The following PHACTR1 variants were observed in gnomAD, a reference collection of about 807,000 sequenced individuals.
PHACTR1 encodes the protein RPEL repeat containing 1.
PHACTR1 carries 16 observed loss-of-function variants against 69.2 expected under a neutral mutation model. That is an observed-to-expected ratio of 0.23 (90% CI 0.16 to 0.35). The LOEUF is 0.35. Among genes scored for constraint, PHACTR1 ranks in the 10% least tolerant of loss-of-function variants. The pLI, the probability that PHACTR1 is intolerant of heterozygous loss-of-function variation, is 1.00. For missense variants in PHACTR1, 510 were observed against 734.7 expected, an observed-to-expected ratio of 0.69 and a Z score of 3.54; for synonymous variants, 312 against 284.5, an observed-to-expected ratio of 1.10 and a Z score of -0.97.
intron 4 of PHACTR1, among the ~76,000 whole-genome samples, chr6:12,949,781 A>T (rs912537451): frequency 6.6e-6 from 1 of 152,214 alleles, no homozygotes; most frequent in Non-Finnish European, 1.5e-5. Flanking sequence ...AAAAAAAATC[A>T]CGAATCAATC....
At chr6:13,160,377 A>G (rs1481363530) in intron 6 of PHACTR1, 93 bp downstream of exon 6, 16 of 1,095,696 alleles carry the variant, frequency 1.5e-5, no homozygotes, top group Non-Finnish European at 2.1e-5. Context: ...TTTCTGCATC[A>G]CCAGATATCA....
At chr6:12,866,532 T>A (rs868411865) in intron 4 of PHACTR1, among the ~76,000 whole-genome samples, 3 of 152,048 alleles carry the variant, frequency 2.0e-5, no homozygotes, top group East Asian at 3.9e-4. Context: ...TTTTTTTTTT[T>A]ATGTCAGAAA....
chr6:12,921,404 G>A (rs1329791605), intron 4 of PHACTR1, among the ~76,000 whole-genome samples: 2 of 151,024 alleles, frequency 1.3e-5, no homozygotes, highest in African/African-American at 2.4e-5. Context: ...TTGTCTTCAA[G>A]ACTAAAATGC....
At chr6:12,977,127 A>AT in intron 4 of PHACTR1, among the ~76,000 whole-genome samples, 1 of 151,750 alleles carries the variant, frequency 6.6e-6, no homozygotes, top group African/African-American at 2.4e-5. Flanking sequence ...CTAATTTTGT[A>AT]TTTTAGTAGA....
intron 4 of PHACTR1, among the ~76,000 whole-genome samples, chr6:12,858,049 G>A (rs140402670): frequency 2.0e-5 from 3 of 152,088 alleles, no homozygotes; most frequent in South Asian, 2.1e-4. Flanking sequence ...GTAAGTTTAC[G>A]GTAGAGCAGA....
chr6:13,174,238 T>C (rs1761022114), intron 6 of PHACTR1, among the ~76,000 whole-genome samples: 1 of 152,250 alleles, frequency 6.6e-6, no homozygotes, highest in Non-Finnish European at 1.5e-5. Flanking sequence ...CAGCAGCTCT[T>C]GTCTCAGAGA....
At chr6:13,223,270 G>T (rs1038202295) in intron 8 of PHACTR1, among the ~76,000 whole-genome samples, 7 of 152,166 alleles carry the variant, frequency 4.6e-5, no homozygotes, top group African/African-American at 1.7e-4. Context: ...CACTGGTTCA[G>T]ATCAGGGCAC....
At chr6:12,870,494 G>C (rs1384758384) in intron 4 of PHACTR1, among the ~76,000 whole-genome samples, 1 of 152,150 alleles carries the variant, frequency 6.6e-6, no homozygotes, top group Non-Finnish European at 1.5e-5. Context: ...CCTGCGAAAT[G>C]TTTAAAATTA....
intron 5 of PHACTR1, among the ~76,000 whole-genome samples, chr6:13,099,344 G>C (rs941564420): frequency 6.6e-6 from 1 of 152,236 alleles, no homozygotes; most frequent in East Asian, 1.9e-4. Flanking sequence ...CTGTCTGTCT[G>C]TTGAGTCTTA....
intron 4 of PHACTR1, among the ~76,000 whole-genome samples, chr6:12,868,800 G>A (rs1297753977): frequency 6.6e-6 from 1 of 152,072 alleles, no homozygotes; most frequent in Non-Finnish European, 1.5e-5. Context: ...CTAGACCCCA[G>A]GCAGGCATTC....
chr6:12,875,312 G>A (rs1160149595), intron 4 of PHACTR1, among the ~76,000 whole-genome samples: 3 of 152,214 alleles, frequency 2.0e-5, no homozygotes, highest in African/African-American at 7.2e-5. Flanking sequence ...TGGGCCAGGA[G>A]TCAAGGCTGA....
chr6:13,083,084 C>T (rs1023031893), intron 5 of PHACTR1, among the ~76,000 whole-genome samples: 6 of 152,144 alleles, frequency 3.9e-5, no homozygotes, highest in South Asian at 2.1e-4. Flanking sequence ...TTAGGTCTAA[C>T]GTGTAAGTCT....
chr6:13,073,914 C>G (rs1402868161), intron 5 of PHACTR1, among the ~76,000 whole-genome samples: 2 of 151,382 alleles, frequency 1.3e-5, no homozygotes, highest in East Asian at 3.9e-4. Context: ...GCCGTGTCAC[C>G]CAGGCTAGAG....
At chr6:12,954,134 G>T (rs113376058) in intron 4 of PHACTR1, among the ~76,000 whole-genome samples, 1 of 152,024 alleles carries the variant, frequency 6.6e-6, no homozygotes, top group Non-Finnish European at 1.5e-5. Context: ...CCAGGCAGAC[G>T]AAACAGACTT....
At chr6:12,995,308 A>C (rs1797297150) in intron 4 of PHACTR1, among the ~76,000 whole-genome samples, 1 of 151,976 alleles carries the variant, frequency 6.6e-6, no homozygotes, top group Non-Finnish European at 1.5e-5. Flanking sequence ...GAAAGAATAG[A>C]ACCCCATCAG....
chr6:12,892,396 C>G (rs1482881437), intron 4 of PHACTR1, among the ~76,000 whole-genome samples: 1 of 152,144 alleles, frequency 6.6e-6, no homozygotes, highest in African/African-American at 2.4e-5. Context: ...AGTGGCTCTT[C>G]AGACCTGGAT....
chr6:13,259,006 A>G (rs1775562960), intron 10 of PHACTR1, among the ~76,000 whole-genome samples: 1 of 152,200 alleles, frequency 6.6e-6, no homozygotes, highest in Admixed American at 6.5e-5. Flanking sequence ...AGTTAAGCTA[A>G]AGGTGACCAA....
At chr6:13,271,732 TAGAACCGA>T (rs1777781908) in intron 10 of PHACTR1, among the ~76,000 whole-genome samples, 1 of 152,062 alleles carries the variant, frequency 6.6e-6, no homozygotes, top group Non-Finnish European at 1.5e-5. Flanking sequence ...CAGCAGTTGG[TAGAACCGA>T]AGAATGTGGA....
intron 4 of PHACTR1, among the ~76,000 whole-genome samples, chr6:12,888,995 A>G (rs1360716617): frequency 6.6e-6 from 1 of 152,242 alleles, no homozygotes; most frequent in Non-Finnish European, 1.5e-5. Flanking sequence ...GGGTAAGGCC[A>G]GGCATGGTGG....
Sources: allele counts gnomAD v4.1 joint callset (sites outside exome capture counted in the v4.1 genomes callset), GRCh38; gene constraint gnomAD v4.1.1; transcripts MANE v1.5; gene names NCBI Gene and HGNC (gene_info 2026-07-23, HGNC 2026-07-21).